Variants in SKIC3 observed in about 807,000 individuals in gnomAD.
SKIC3 encodes the protein superkiller complex protein 3.
the SKIC3 span, among the ~76,000 whole-genome samples, chr5:95,499,020 G>C: frequency 1.3e-5 from 2 of 152,126 alleles, no homozygotes; most frequent in Non-Finnish European, 2.9e-5. Flanking sequence ...TCAACTTTAA[G>C]ATTAATATAA....
At chr5:95,524,543 G>C in the SKIC3 span, 163 of 1,613,764 alleles carry the variant, frequency 1.0e-4, no homozygotes, top group Non-Finnish European at 1.4e-4. Flanking sequence ...ATCCAAGTTG[G>C]TAATGATATT....
At chr5:95,490,506 T>TATA in the SKIC3 span, among the ~76,000 whole-genome samples, 43 of 128,120 alleles carry the variant, frequency 3.4e-4, no homozygotes, top group Middle Eastern at 4.4e-3. Context: ...ATATATATAT[T>TATA]TTTTTTTTTG....
At chr5:95,517,230 T>C in the SKIC3 span, 1 of 1,613,398 alleles carries the variant, frequency 6.2e-7, no homozygotes, top group Non-Finnish European at 8.5e-7. Context: ...AACATGAACA[T>C]TCACTTTAGA....
chr5:95,479,675 T>TTGTG, the SKIC3 span, among the ~76,000 whole-genome samples: 1,598 of 144,074 alleles, frequency 0.011, 13 homozygotes, highest in Non-Finnish European at 0.015. Context: ...GGAAAAAACA[T>TTGTG]TGTGTGTGTG....
chr5:95,549,767 G>A, the SKIC3 span, among the ~76,000 whole-genome samples: 2 of 150,724 alleles, frequency 1.3e-5, no homozygotes, highest in Non-Finnish European at 3.0e-5. Context: ...TTTTATTTTT[G>A]AGGGGAAAGG....
the SKIC3 span, among the ~76,000 whole-genome samples, chr5:95,539,193 T>A: frequency 6.6e-6 from 1 of 152,076 alleles, no homozygotes; most frequent in Non-Finnish European, 1.5e-5. Flanking sequence ...ATGTCCTATT[T>A]CCAATGTAAT....
the SKIC3 span, among the ~76,000 whole-genome samples, chr5:95,537,578 CT>C: frequency 6.6e-6 from 1 of 152,032 alleles, no homozygotes; most frequent in Non-Finnish European, 1.5e-5. Context: ...TTGGGTGATA[CT>C]TTTGGTAAAA....
chr5:95,546,398 T>C, the SKIC3 span, among the ~76,000 whole-genome samples: 80 of 151,024 alleles, frequency 5.3e-4, no homozygotes, highest in East Asian at 0.015. Flanking sequence ...TTCTGCTATC[T>C]CAAACCTCCT....
At chr5:95,516,800 T>A in the SKIC3 span, 1 of 1,590,988 alleles carries the variant, frequency 6.3e-7, no homozygotes, top group Admixed American at 1.7e-5. Flanking sequence ...AATAGCAGCA[T>A]GTATATCAAG....
chr5:95,465,932 A>T, the SKIC3 span, among the ~76,000 whole-genome samples: 3 of 152,214 alleles, frequency 2.0e-5, no homozygotes, highest in African/African-American at 7.2e-5. Flanking sequence ...AATGCAAGAG[A>T]TCCACGGCGA....
the SKIC3 span, chr5:95,484,768 T>C: frequency 1.2e-6 from 2 of 1,614,210 alleles, no homozygotes; most frequent in South Asian, 1.1e-5. Context: ...CCTGTGTCTA[T>C]TAGACCAGTG....
the SKIC3 span, among the ~76,000 whole-genome samples, chr5:95,548,249 G>A: frequency 6.6e-6 from 1 of 151,908 alleles, no homozygotes; most frequent in African/African-American, 2.4e-5. Flanking sequence ...ATGCTCAAGG[G>A]AGTAAAATGT....
the SKIC3 span, chr5:95,523,252 C>G: frequency 9.9e-6 from 16 of 1,613,902 alleles, no homozygotes; most frequent in Admixed American, 2.7e-4. Context: ...ATAGTCCTCG[C>G]CTAAGCCAGG....
At chr5:95,513,754 G>A in the SKIC3 span, 107 of 1,028,990 alleles carry the variant, frequency 1.0e-4, 2 homozygotes, top group South Asian at 9.7e-4. Context: ...GAGCTTAAAA[G>A]CAAAGTTAAC....
chr5:95,497,628 G>T, the SKIC3 span: 2 of 660,002 alleles, frequency 3.0e-6, no homozygotes, highest in Non-Finnish European at 2.7e-6. Context: ...TTGGTTGAAA[G>T]TATTTTTAGA....
chr5:95,508,702 G>A, the SKIC3 span, among the ~76,000 whole-genome samples: 1 of 152,098 alleles, frequency 6.6e-6, no homozygotes, highest in Non-Finnish European at 1.5e-5. Context: ...ATGTTTATTA[G>A]CTTATCATGT....
At chr5:95,545,507 AT>A in the SKIC3 span, among the ~76,000 whole-genome samples, 1 of 152,006 alleles carries the variant, frequency 6.6e-6, no homozygotes, top group Admixed American at 6.6e-5. Context: ...TTCCTTCCAT[AT>A]TTTTAACCTT....
At chr5:95,476,428 T>C in the SKIC3 span, among the ~76,000 whole-genome samples, 4 of 152,194 alleles carry the variant, frequency 2.6e-5, no homozygotes, top group African/African-American at 9.7e-5. Context: ...TAATAAAACT[T>C]TCAAATAAAG....
At chr5:95,549,941 G>C in the SKIC3 span, among the ~76,000 whole-genome samples, 1 of 151,750 alleles carries the variant, frequency 6.6e-6, no homozygotes, top group Non-Finnish European at 1.5e-5. Context: ...TTCATTGTAA[G>C]GATTTCTAAC....
Sources: allele counts gnomAD v4.1 joint callset (sites outside exome capture counted in the v4.1 genomes callset), GRCh38; gene constraint gnomAD v4.1.1; transcripts MANE v1.5; gene names NCBI Gene and HGNC (gene_info 2026-07-23, HGNC 2026-07-21).